The following STXBP5L variants were observed in gnomAD, a reference collection of about 807,000 sequenced individuals.
STXBP5L encodes the protein syntaxin binding protein 5L.
Under a neutral mutation model 144.5 loss-of-function variants are expected in STXBP5L, and 65 were observed. The observed-to-expected ratio is 0.45, with a 90% CI of 0.37 to 0.55. The LOEUF is 0.55. Among genes scored for constraint, STXBP5L ranks in the 20% least tolerant of loss-of-function variants. The pLI, the probability that STXBP5L is intolerant of heterozygous loss-of-function variation, is 0.00. For missense variants in STXBP5L, 1,298 were observed against 1,405.5 expected (o/e 0.92, Z 1.22); for synonymous variants, 505 against 469.6 (o/e 1.08, Z -0.97).
At chr3:121,352,363 C>T (rs1006750851) in intron 20 of STXBP5L, among the ~76,000 whole-genome samples, 1 of 152,038 alleles carries the variant, frequency 6.6e-6, no homozygotes, top group Non-Finnish European at 1.5e-5. Flanking sequence ...TTTCATTGAG[C>T]AGTGGTTTGT....
intron 2 of STXBP5L, among the ~76,000 whole-genome samples, chr3:120,916,700 T>C (rs959429718): frequency 4.6e-5 from 7 of 152,206 alleles, no homozygotes; most frequent in Non-Finnish European, 7.3e-5. Context: ...AAACTGATCA[T>C]TTTGGTGGTT....
At chr3:121,162,578 A>G (rs1443189756) in intron 9 of STXBP5L, among the ~76,000 whole-genome samples, 2 of 152,234 alleles carry the variant, frequency 1.3e-5, no homozygotes, top group Non-Finnish European at 2.9e-5. Context: ...ATGGGATCTA[A>G]TTAAACTAAA....
intron 22 of STXBP5L, among the ~76,000 whole-genome samples, chr3:121,399,178 G>A (rs1340202991): frequency 6.6e-6 from 1 of 152,120 alleles, no homozygotes; most frequent in Non-Finnish European, 1.5e-5. Context: ...GTGTGAAAAA[G>A]TTCCAAGGTG....
rs186916361 is a variant in STXBP5L at position 120,912,936 on chromosome 3, C to G, written c.189+3169C>G. Among the ~76,000 whole-genome samples, 645 of 152,060 alleles carry G rather than the reference C, an allele frequency of 4.2e-3. 4 individuals carry two copies. The highest frequency in any genetic ancestry group is 0.015 in the African/African-American group (615 of 41,526). On this transcript the variant is annotated intron_variant, in intron 2 of 26. Coordinates refer to ENST00000471454, the MANE Select transcript of STXBP5L (RefSeq NM_001308330.2). ...ATCTCAATGCCTTCTCTCATTCTTT[C>G]GTTTCTGACTAGAATACCTTTTCTA...
intron 3 of STXBP5L, among the ~76,000 whole-genome samples, chr3:120,989,550 CAT>C (rs1428201851): frequency 6.6e-6 from 1 of 152,056 alleles, no homozygotes; most frequent in African/African-American, 2.4e-5. Context: ...CTGTCGGATG[CAT>C]AGTTTGCAAA....
chr3:121,174,653 T>G (rs747148692), intron 9 of STXBP5L, among the ~76,000 whole-genome samples: 4 of 152,106 alleles, frequency 2.6e-5, no homozygotes, highest in Non-Finnish European at 5.9e-5. Context: ...TTCTGAAAGT[T>G]GAATATGGAC....
At chr3:121,042,814 T>C (rs151175099) in intron 4 of STXBP5L, among the ~76,000 whole-genome samples, 1 of 152,126 alleles carries the variant, frequency 6.6e-6, no homozygotes, top group East Asian at 1.9e-4. Context: ...TTTCACCATG[T>C]AGGCACACTT....
At chr3:121,365,431 T>G (rs1352680244) in intron 20 of STXBP5L, among the ~76,000 whole-genome samples, 2 of 145,812 alleles carry the variant, frequency 1.4e-5, no homozygotes, top group African/African-American at 5.1e-5. Flanking sequence ...GATTTTTTTT[T>G]GTTACTGATT....
Position 121,366,316 on chromosome 3 carries a change from C to T in STXBP5L, c.2177-12400C>T, listed in dbSNP as rs76781611. 2.0e-5 allele frequency among the ~76,000 whole-genome samples: 3 copies of T among 151,944 alleles called. No homozygotes were observed. The East Asian group carries it at 5.8e-4, about 29-fold the overall frequency. On this transcript the variant is annotated intron_variant, in intron 20 of 26. Coordinates refer to ENST00000471454, the MANE Select transcript of STXBP5L (RefSeq NM_001308330.2). The stretch of plus-strand genomic sequence containing the variant: ...AAGTCCTCTTTTCTCTTACTTCTGT[C>T]TGGTTGGTCTATCTATTTTTCAGTG...
At chr3:121,184,327 G>A (rs1279270431) in intron 9 of STXBP5L, among the ~76,000 whole-genome samples, 2 of 151,216 alleles carry the variant, frequency 1.3e-5, no homozygotes, top group African/African-American at 4.9e-5. Context: ...AAAAAAGTTA[G>A]AGAAATTGCT....
intron 7 of STXBP5L, among the ~76,000 whole-genome samples, chr3:121,133,798 G>A (rs1236659558): frequency 6.6e-6 from 1 of 152,138 alleles, no homozygotes; most frequent in African/African-American, 2.4e-5. Context: ...TTACAATCAT[G>A]GCGCAAGGCA....
At chr3:121,179,395 GAAAA>G (rs531882658) in intron 9 of STXBP5L, among the ~76,000 whole-genome samples, 60 of 152,068 alleles carry the variant, frequency 3.9e-4, no homozygotes, top group African/African-American at 1.2e-3. Context: ...CCATAAGAGG[GAAAA>G]AAAGTAATTC....
chr3:121,039,548 T>C (rs1253887809), intron 3 of STXBP5L, among the ~76,000 whole-genome samples: 1 of 151,968 alleles, frequency 6.6e-6, no homozygotes, highest in Non-Finnish European at 1.5e-5. Context: ...TTTTTCCTTT[T>C]TGTATATCCA....
At chr3:120,991,681 G>A (rs1307511973) in intron 3 of STXBP5L, among the ~76,000 whole-genome samples, 3 of 151,924 alleles carry the variant, frequency 2.0e-5, no homozygotes. Context: ...GTCCTTTGTA[G>A]GGACGTGGTT....
intron 5 of STXBP5L, among the ~76,000 whole-genome samples, chr3:121,101,996 A>G (rs2043450857): frequency 6.6e-6 from 1 of 152,124 alleles, no homozygotes; most frequent in Non-Finnish European, 1.5e-5. Context: ...CTAGGAATAC[A>G]TCTAACCCAA....
intron 5 of STXBP5L, among the ~76,000 whole-genome samples, chr3:121,050,205 A>G (rs974240483): frequency 8.6e-5 from 13 of 151,176 alleles, no homozygotes; most frequent in Admixed American, 6.6e-4. Flanking sequence ...CTTATTACCC[A>G]CTTCTACTCA....
chr3:121,282,204 T>G, intron 19 of STXBP5L: 3 of 1,532,220 alleles, frequency 2.0e-6, no homozygotes, highest in Admixed American at 1.7e-5. Flanking sequence ...CCTTTCACTT[T>G]AGACTTTTTT....
rs574770620 is a variant in STXBP5L, at chr3:121,176,326, T to C, written c.877+18699T>C. ...CTAAAATCAGTAAGCAAGGCTTACT[T>C]AAAACAAGAAGATGAAATCAAACCC... is the stretch of plus-strand genomic sequence containing the variant. On this transcript the variant is annotated intron_variant, in intron 9 of 26. Coordinates refer to ENST00000471454, the MANE Select transcript of STXBP5L (RefSeq NM_001308330.2). 4.6e-5 allele frequency among the ~76,000 whole-genome samples: 7 copies of C among 151,748 alleles called. No individual in the cohort carries two copies. In the East Asian group the frequency reaches 9.7e-4, roughly 21 times the overall value.
intron 3 of STXBP5L, among the ~76,000 whole-genome samples, chr3:121,001,667 T>G (rs1943788668): frequency 6.6e-6 from 1 of 152,188 alleles, no homozygotes; most frequent in African/African-American, 2.4e-5. Context: ...AACTCATTCT[T>G]TCTCCAGGAG....
Sources: gnomAD v4.1 joint callset for allele counts (sites outside exome capture counted in the v4.1 genomes callset) on GRCh38, gnomAD v4.1.1 for gene constraint, MANE v1.5 for transcripts, NCBI Gene and HGNC (gene_info 2026-07-23, HGNC 2026-07-21) for gene names.